The following WRN variants were observed in gnomAD, a reference collection of about 807,000 sequenced individuals.
WRN encodes bifunctional 3'-5' exonuclease/ATP-dependent helicase WRN.
In WRN, 149 loss-of-function variants were observed where a neutral mutation model predicts 180.7. The observed-to-expected ratio is 0.82, with a 90% CI of 0.72 to 0.94. The LOEUF (loss-of-function observed/expected upper bound fraction) is 0.94, where lower values mean the gene tolerates loss of function less well. WRN is among the 40% of genes least tolerant of loss of function. The pLI is 0.00. For missense variants in WRN, 1,661 were observed against 1,700.1 expected (o/e 0.98, Z 0.40); for synonymous variants, 548 against 568.9 (o/e 0.96, Z 0.52).
chr8:31,157,495 T>C lies in WRN; in HGVS notation c.3947T>C (p.Ile1316Thr), dbSNP rs377596908. 2.5e-6 allele frequency: 4 copies of C among 1,614,116 alleles called. No individual in the cohort carries two copies. The highest frequency in any genetic ancestry group is 3.4e-6 in the Non-Finnish European group (4 of 1,180,010). ...AGLTPEVQKI[I>T]ADVIRNPPVN... ...CTGACTCCAGAGGTTCAGAAGATTA[T>C]TGCTGATGTTATCCGAAACCCTCCC... The change falls in exon 33 of 35, where the codon ATT becomes ACT. Residue 1316 changes from isoleucine to threonine, a missense_variant. Physicochemically the swap from Ile to Thr is moderately conservative, Grantham distance 89 (BLOSUM62 -1). Coordinates refer to ENST00000298139, the MANE Select transcript of WRN (RefSeq NM_000553.6).
intron 33 of WRN, among the ~76,000 whole-genome samples, chr8:31,160,587 C>T (rs1585541040): frequency 6.6e-6 from 1 of 152,224 alleles, no homozygotes; most frequent in African/African-American, 2.4e-5. Flanking sequence ...TCTTCATGCT[C>T]ATCGTGTGGA....
intron 1 of WRN, among the ~76,000 whole-genome samples, chr8:31,046,855 A>T (rs1811884613): frequency 6.6e-6 from 1 of 152,262 alleles, no homozygotes. Context: ...AAAAATAATT[A>T]GACTGGAGGA....
chr8:31,091,738 T>G, intron 15 of WRN, 92 bp from the exon 16 acceptor site: 2 of 1,212,492 alleles, frequency 1.6e-6, no homozygotes, highest in Non-Finnish European at 2.4e-6. Flanking sequence ...GGAATATAAA[T>G]TATTATATTT....
Position 31,175,107 on chromosome 8 carries a change from C to T in WRN, c.*2005C>T, listed in dbSNP as rs1335164434. Among the ~76,000 whole-genome samples the T allele has an allele frequency of 6.6e-6, 1 of 151,890 alleles. No individual in the cohort carries two copies. The highest frequency in any genetic ancestry group is 1.5e-5 in the Non-Finnish European group (1 of 67,988). On this transcript the variant is annotated 3_prime_UTR_variant, in exon 35 of 35. Coordinates refer to ENST00000298139, the MANE Select transcript of WRN (RefSeq NM_000553.6). The stretch of plus-strand genomic sequence containing the variant: ...CGAAGATCCGTATAACTCAGTGAAT[C>T]AGTATGTTCTGGATGACTAATATGT...
Position 31,173,224 on chromosome 8 carries a change from G to A in WRN, c.*122G>A. 1 of 976,670 alleles carries A rather than the reference G, an allele frequency of 1.0e-6. No individual in the cohort carries two copies. Among genetic ancestry groups the A allele is most frequent in the Non-Finnish European group, 1.6e-6 (1 of 635,714 alleles). The allele number at this position is 976,670 out of a possible 1,614,324, so 60.5% of individuals were successfully genotyped here. On this transcript the variant is annotated 3_prime_UTR_variant, in exon 35 of 35. Transcript: ENST00000298139. ...AATCATTCTAATTACAAAGTTCACT[G>A]TTTATTGAAGAACTGGCATCTTAAA...
chr8:31,067,152 C>T lies in WRN; in HGVS notation c.624C>T (p.Asp208=). Residue 208 remains aspartate, a synonymous_variant, in exon 6 of 35, where the codon GAC becomes GAT. Coordinates refer to ENST00000298139, the MANE Select transcript of WRN (RefSeq NM_000553.6). The stretch of plus-strand genomic sequence containing the variant: ...GGAGTAAATTTCCTCTCACTGAGGA[C>T]CAGAAACTGTATGCAGCCACTGATG... ...SNWSKFPLTE[D]QKLYAATDAY... is the part of the protein sequence containing the mutation. 6.2e-7 allele frequency: 1 copy of T among 1,613,824 alleles called. No homozygotes were observed. Among genetic ancestry groups the T allele is most frequent in the Non-Finnish European group, 8.5e-7 (1 of 1,179,938 alleles).
intron 12 of WRN, 69 bp from the exon 13 acceptor site, chr8:31,088,821 A>G (rs1813634374): frequency 7.7e-7 from 1 of 1,303,380 alleles, no homozygotes; most frequent in East Asian, 2.5e-5. Flanking sequence ...CCAATGAAAT[A>G]AACTGTTTTC....
intron 1 of WRN, among the ~76,000 whole-genome samples, chr8:31,034,772 G>C (rs1811380350): frequency 6.6e-6 from 1 of 152,220 alleles, no homozygotes; most frequent in Non-Finnish European, 1.5e-5. Flanking sequence ...AAGGGGAAGA[G>C]TGGGCTGAGA....
chr8:31,171,731 G>C (rs1804108831), intron 34 of WRN: 2 of 152,114 alleles, frequency 1.3e-5, no homozygotes, highest in East Asian at 1.9e-4. Context: ...AGAGTCTTCT[G>C]CCAAGGATCT....
In WRN at chr8:31,087,879, A is replaced by T. The variant is rs763266496; in HGVS notation, c.1535A>T (p.Asp512Val). The change falls in exon 12 of 35, where the codon GAT (aspartate) becomes GTT (valine). Residue 512 changes from aspartate (D) to valine (V), a missense_variant. By Grantham distance (152) the Asp-to-Val change is radical (BLOSUM62 -3). This residue lies in a region of WRN where 1,141 missense variants were observed against 1,149.4 expected (regional missense o/e 0.99). Transcript: ENST00000298139. ...GLPTKEEEED[D>V]ENEANEGEED... ...CCTACTAAAGAAGAAGAAGAAGATG[A>T]TGAAAATGAAGCTAATGAAGGGGAA... 18 of 1,613,700 alleles carry T rather than the reference A, an allele frequency of 1.1e-5. No homozygotes were observed. The highest frequency in any genetic ancestry group is 1.5e-5 in the Non-Finnish European group (18 of 1,179,784).
intron 32 of WRN, among the ~76,000 whole-genome samples, chr8:31,155,321 G>T (rs1322084004): frequency 6.6e-6 from 1 of 152,066 alleles, no homozygotes; most frequent in Admixed American, 6.6e-5. Context: ...TCTAATTGCT[G>T]TAACAAATGA....
At chr8:31,120,525 G>T in intron 21 of WRN, 101 bp downstream of exon 21, 20 of 1,041,590 alleles carry the variant, frequency 1.9e-5, no homozygotes, top group East Asian at 2.8e-5. Flanking sequence ...CAAGTAATTT[G>T]TGAGTGCATT....
rs560446016 is a variant in WRN at position 31,150,309 on chromosome 8, T to TTTG, written c.3573-11_3573-9dup. On this transcript the variant is annotated intron_variant, in intron 30 of 34. Coordinates refer to ENST00000298139, the MANE Select transcript of WRN (RefSeq NM_000553.6). ...ACTGTTTCAGTGGTTTCTTGACCTT[T>TTTG]TTGTTGTTGTTGTTGTTGTTGTTAA... 2.5e-4 allele frequency: 371 copies of TTTG among 1,508,784 alleles called. No individual in the cohort carries two copies. Among genetic ancestry groups the TTTG allele is most frequent in the African/African-American group, 3.1e-4 (23 of 73,098 alleles). The allele number at this position is 1,508,784 out of a possible 1,614,324, so 93.5% of individuals were successfully genotyped here.
intron 1 of WRN, among the ~76,000 whole-genome samples, chr8:31,045,289 A>G (rs1183493472): frequency 6.6e-6 from 1 of 152,212 alleles, no homozygotes. Context: ...CAGTCAAACA[A>G]ATTAACATGT....
chr8:31,099,756 T>C (rs1814146660), intron 17 of WRN, among the ~76,000 whole-genome samples: 1 of 152,144 alleles, frequency 6.6e-6, no homozygotes, highest in South Asian at 2.1e-4. Context: ...TAGATATTTA[T>C]TAACCATAAT....
intron 28 of WRN, among the ~76,000 whole-genome samples, chr8:31,146,592 T>G (rs1802865009): frequency 6.6e-6 from 1 of 152,232 alleles, no homozygotes; most frequent in Admixed American, 6.5e-5. Flanking sequence ...AGAATGCTTC[T>G]TGTTCTCTTC....
rs2737321 is a variant in WRN, at chr8:31,075,913, T to C, written c.725-260T>C. Among the ~76,000 whole-genome samples, 5,809 of 152,268 alleles carry C rather than the reference T, an allele frequency of 0.038. 402 individuals are homozygous for C. The highest frequency in any genetic ancestry group is 0.27 in the East Asian group (1,373 of 5,176). On this transcript the variant is annotated intron_variant, in intron 7 of 34. Transcript: ENST00000298139. ...GATTCTCATTTCCACCTTCTCCTTC[T>C]GCCTAGGTGAATAACTGCTGGGTTA...
At chr8:31,125,537 G>GATATATAGATATATATATAT (rs1801889354) in intron 23 of WRN, among the ~76,000 whole-genome samples, 1 of 63,766 alleles carries the variant, frequency 1.6e-5, no homozygotes, top group African/African-American at 5.8e-5. Flanking sequence ...ATATTATGGA[G>GATATATAGATATATATATAT]ATATATATAT....
At chr8:31,114,240 GTATTTT>G (rs1487860345) in intron 19 of WRN, among the ~76,000 whole-genome samples, 3 of 151,984 alleles carry the variant, frequency 2.0e-5, no homozygotes, top group African/African-American at 7.3e-5. Flanking sequence ...CAGTATTCAA[GTATTTT>G]TATCCATTGA....
Sources: allele counts gnomAD v4.1 joint callset (sites outside exome capture counted in the v4.1 genomes callset), GRCh38; gene constraint gnomAD v4.1.1; regional missense constraint gnomAD v4.1.1; transcripts MANE v1.5; gene names NCBI Gene and HGNC (gene_info 2026-07-23, HGNC 2026-07-21).